Variants in EYA3 observed in about 807,000 individuals in gnomAD.
EYA3 encodes EYA transcriptional coactivator and phosphatase 3.
Under a neutral mutation model 80.0 loss-of-function variants are expected in EYA3, and 39 were observed. That is an observed-to-expected ratio of 0.49 (90% CI 0.38 to 0.64). The LOEUF (loss-of-function observed/expected upper bound fraction) is 0.64, where lower values mean the gene tolerates loss of function less well. Ranked by LOEUF, EYA3 falls within the 30% of genes least tolerant of loss-of-function variation. The pLI is 0.00. For synonymous variants in EYA3, 206 were observed against 232.8 expected (o/e 0.88, Z 1.05); for missense variants, 523 against 676.1 (o/e 0.77, Z 2.51).
chr1:27,991,680 AACG>A (rs1163000859), intron 14 of EYA3, among the ~76,000 whole-genome samples: 1 of 152,118 alleles, frequency 6.6e-6, no homozygotes. Context: ...GATAAAACAA[AACG>A]ACAACAAAAC....
Position 27,974,553 on chromosome 1 carries a change from G to T in EYA3, c.1642-7C>A. ...TCCAGAAAGGCATGTTGTGCTGGAA[G>T]AGAGTGGGAATAGCTGGTTAATCCA... On this transcript the variant is annotated splice_polypyrimidine_tract_variant and splice_region_variant and intron_variant, in intron 17 of 17. Transcript: ENST00000373871. 1 of 1,611,588 alleles carries T rather than the reference G, an allele frequency of 6.2e-7. No individual in the cohort carries two copies.
intron 3 of EYA3, among the ~76,000 whole-genome samples, chr1:28,047,745 T>C (rs1194211062): frequency 6.6e-6 from 1 of 151,704 alleles, no homozygotes; most frequent in Non-Finnish European, 1.5e-5. Context: ...TTCACACCAT[T>C]CTCCTGCCTC....
intron 1 of EYA3, among the ~76,000 whole-genome samples, chr1:28,067,939 C>T (rs1033584899): frequency 2.6e-5 from 4 of 152,142 alleles, no homozygotes; most frequent in African/African-American, 9.7e-5. Context: ...AAAGAGAAGG[C>T]ACTGCCTCAT....
chr1:27,978,444 G>T lies in EYA3; in HGVS notation c.1571C>A (p.Ser524Ter). Residue 524 changes from serine (S) to a stop codon, truncating the protein, a stop_gained, in exon 17 of 18, where the codon TCA becomes TAA. Transcript: ENST00000373871. LOFTEE classifies it high-confidence loss of function. ...GKESCFERIV[S>*]RFGKKVTYVV... ...ATATGTGACTTTCTTTCCAAACCTT[G>T]ACACAATTCTCTCAAAGCAGCTCTC... 6.2e-7 allele frequency: 1 copy of T among 1,613,896 alleles called. No individual in the cohort carries two copies. Among genetic ancestry groups the T allele is most frequent in the Non-Finnish European group, 8.5e-7 (1 of 1,179,956 alleles).
At chr1:28,050,811 A>G (rs1323106370) in intron 2 of EYA3, among the ~76,000 whole-genome samples, 2 of 152,212 alleles carry the variant, frequency 1.3e-5, no homozygotes, top group Non-Finnish European at 2.9e-5. Context: ...TTAACTAAAG[A>G]AGACAGACAG....
intron 6 of EYA3, chr1:28,031,764 G>C (rs1050186540): frequency 1.3e-5 from 2 of 152,238 alleles, no homozygotes; most frequent in South Asian, 2.1e-4. Flanking sequence ...GTAATTTAAT[G>C]TAAGTACTTT....
intron 6 of EYA3, among the ~76,000 whole-genome samples, chr1:28,028,278 A>G (rs1348241243): frequency 6.6e-6 from 1 of 152,178 alleles, no homozygotes; most frequent in Non-Finnish European, 1.5e-5. Context: ...GTACAGTGAT[A>G]AATAATTTAT....
At chr1:28,054,577 A>G (rs1458290149) in intron 2 of EYA3, among the ~76,000 whole-genome samples, 2 of 152,236 alleles carry the variant, frequency 1.3e-5, no homozygotes, top group Non-Finnish European at 2.9e-5. Context: ...CTGAAAAATC[A>G]CAGAGAATAA....
In EYA3 at chr1:28,035,713, G is replaced by A. The variant is rs764119901; in HGVS notation, c.225-33C>T. 14 of 1,608,480 alleles carry A rather than the reference G, an allele frequency of 8.7e-6. No individual in the cohort carries two copies. The East Asian group carries it at 3.1e-4, about 36-fold the overall frequency. On this transcript the variant is annotated intron_variant, in intron 5 of 17. Transcript: ENST00000373871. Reference sequence around the variant, plus strand: ...ATTTCATGAAAACAAAAACTTTTGTGTGATTTACTTTAGTAACGAAAAATA... The same window carrying A: ...ATTTCATGAAAACAAAAACTTTTGTATGATTTACTTTAGTAACGAAAAATA...
chr1:28,023,707 T>C (rs948385271), intron 7 of EYA3, among the ~76,000 whole-genome samples: 3 of 152,140 alleles, frequency 2.0e-5, no homozygotes, highest in African/African-American at 7.2e-5. Flanking sequence ...CTAAATGTAA[T>C]TTGGTATCCT....
intron 6 of EYA3, among the ~76,000 whole-genome samples, chr1:28,028,765 T>C (rs1642940868): frequency 6.6e-6 from 1 of 151,814 alleles, no homozygotes; most frequent in Non-Finnish European, 1.5e-5. Context: ...AAAAATGGGA[T>C]TGTGATTTTT....
Position 28,083,927 on chromosome 1 carries a change from T to C in EYA3, c.-69+4597A>G, listed in dbSNP as rs142125039. ...GGTGCCTAAACAATATTTGCTGAAATAAATGTATTACAAAGAGTATTGCTA... is the reference window on the plus strand; with the variant it reads ...GGTGCCTAAACAATATTTGCTGAAACAAATGTATTACAAAGAGTATTGCTA... On this transcript the variant is annotated intron_variant, in intron 1 of 17. Transcript: ENST00000373871. 3.2e-4 allele frequency among the ~76,000 whole-genome samples: 48 copies of C among 152,332 alleles called. No homozygotes were observed. In the East Asian group the frequency reaches 8.9e-3, roughly 28 times the overall value.
At chr1:27,986,399 ATTTT>A (rs111866821) in intron 16 of EYA3, among the ~76,000 whole-genome samples, 3 of 135,308 alleles carry the variant, frequency 2.2e-5, no homozygotes, top group South Asian at 4.7e-4. Flanking sequence ...CTCTCTTAAC[ATTTT>A]TTTTTTTTTT....
intron 17 of EYA3, 147 bp downstream of exon 17, chr1:27,978,227 C>A: frequency 1.8e-6 from 1 of 566,780 alleles, no homozygotes; most frequent in Non-Finnish European, 3.0e-6. Context: ...AAAAAAAAGA[C>A]CCTCTTTTTC....
chr1:28,001,791 C>T (rs1472345500), intron 11 of EYA3, among the ~76,000 whole-genome samples: 17 of 146,834 alleles, frequency 1.2e-4, no homozygotes, highest in Middle Eastern at 7.1e-3. Flanking sequence ...AGTGCTGCGG[C>T]GCGATCTCGG....
intron 8 of EYA3, 93 bp downstream of exon 8, chr1:28,017,061 G>C: frequency 9.1e-7 from 1 of 1,093,902 alleles, no homozygotes; most frequent in Non-Finnish European, 1.4e-6. Context: ...ACTATTCCTG[G>C]TTGTTTCTTA....
chr1:28,061,392 T>C (rs544478143), intron 1 of EYA3, among the ~76,000 whole-genome samples: 4 of 152,330 alleles, frequency 2.6e-5, no homozygotes, highest in Admixed American at 1.3e-4. Context: ...TTTATCAATG[T>C]TTAAAACTTT....
chr1:28,068,004 C>T (rs1013412339), intron 1 of EYA3, among the ~76,000 whole-genome samples: 1 of 152,160 alleles, frequency 6.6e-6, no homozygotes, highest in Non-Finnish European at 1.5e-5. Flanking sequence ...ACTCCCTTGT[C>T]TGAAGTTTTT....
chr1:28,060,611 T>A (rs915606014), intron 1 of EYA3, among the ~76,000 whole-genome samples: 1 of 152,234 alleles, frequency 6.6e-6, no homozygotes, highest in Non-Finnish European at 1.5e-5. Flanking sequence ...CCTTTCTACA[T>A]CTATTCTGTG....
Sources: allele counts gnomAD v4.1 joint callset (sites outside exome capture counted in the v4.1 genomes callset), GRCh38; gene constraint gnomAD v4.1.1; transcripts MANE v1.5; gene names NCBI Gene and HGNC (gene_info 2026-07-23, HGNC 2026-07-21).